The following CYB5R3 variants were observed in gnomAD, a reference collection of about 807,000 sequenced individuals.
CYB5R3 encodes NADH-cytochrome b5 reductase 3.
A neutral mutation model predicts 36.5 loss-of-function variants in CYB5R3; 28 were observed. The observed-to-expected ratio is 0.77, with a 90% CI of 0.57 to 1.05. The LOEUF is 1.05. CYB5R3 is among the 50% of genes least tolerant of loss of function. CYB5R3 has a pLI of 0.00. For missense variants in CYB5R3, 474 were observed against 408.9 expected (o/e 1.16, Z -1.37); for synonymous variants, 181 against 159.8 (o/e 1.13, Z -1.00).
At chr22:42,626,165 C>T (rs1286217913) in intron 7 of CYB5R3, among the ~76,000 whole-genome samples, 3 of 152,034 alleles carry the variant, frequency 2.0e-5, no homozygotes, top group African/African-American at 4.8e-5. Flanking sequence ...AAAAATTAGC[C>T]GGGCATGGTG....
chr22:42,646,972 T>A (rs1481259820), intron 1 of CYB5R3: 1 of 985,324 alleles, frequency 1.0e-6, no homozygotes, highest in African/African-American at 1.7e-5. Context: ...CAAGCTCCAA[T>A]GTTTTCCCAG....
intron 7 of CYB5R3, among the ~76,000 whole-genome samples, chr22:42,626,063 C>T (rs1399475462): frequency 1.3e-5 from 2 of 152,196 alleles, no homozygotes; most frequent in Non-Finnish European, 2.9e-5. Context: ...AATCCCAACA[C>T]TTTGGGAGGC....
At chr22:42,644,276 C>A (rs897998269) in intron 1 of CYB5R3, 2 of 650,588 alleles carry the variant, frequency 3.1e-6, no homozygotes, top group Non-Finnish European at 5.6e-6. Context: ...AGCACCTGCC[C>A]CCAGCCCCGG....
intron 1 of CYB5R3, chr22:42,639,846 T>C: frequency 1.9e-6 from 1 of 516,422 alleles, no homozygotes; most frequent in Non-Finnish European, 2.5e-6. Context: ...TGATTCACTT[T>C]TTTTTTTTTT....
chr22:42,633,959 A>G (rs1247218754), intron 2 of CYB5R3, among the ~76,000 whole-genome samples: 1 of 152,080 alleles, frequency 6.6e-6, no homozygotes, highest in Non-Finnish European at 1.5e-5. Context: ...CCCACCAATA[A>G]CAATAACAAG....
chr22:42,627,974 G>A lies in CYB5R3; in HGVS notation c.463+178C>T, dbSNP rs137138. On this transcript the variant is annotated intron_variant, in intron 5 of 8. Transcript: ENST00000352397. The stretch of plus-strand genomic sequence containing the variant: ...CAGGAGTGGCCTGTCTGCAACCCCT[G>A]TGCCAGCAACTTACCCCCTCTACAG... Among the ~76,000 whole-genome samples, 63,326 of 151,804 alleles carry A rather than the reference G, an allele frequency of 0.42. 14,342 individuals carry two copies. The highest frequency in any genetic ancestry group is 0.59 in the African/African-American group (24,595 of 41,348).
At chr22:42,630,330 C>A (rs1245369794) in intron 4 of CYB5R3, among the ~76,000 whole-genome samples, 1 of 152,178 alleles carries the variant, frequency 6.6e-6, no homozygotes, top group Non-Finnish European at 1.5e-5. Context: ...GCCTGAGGGA[C>A]ATTTCTTAGG....
chr22:42,628,340 G>A, intron 4 of CYB5R3, 59 bp from the exon 5 acceptor site: 3 of 1,605,920 alleles, frequency 1.9e-6, no homozygotes, highest in East Asian at 2.2e-5. Context: ...GCGAGCTCTT[G>A]CCCACAGTGG....
chr22:42,645,844 C>T (rs898773283), intron 1 of CYB5R3, among the ~76,000 whole-genome samples: 1 of 151,910 alleles, frequency 6.6e-6, no homozygotes, highest in Non-Finnish European at 1.5e-5. Context: ...GTCGGTCAGT[C>T]GTTTAGTCCA....
intron 2 of CYB5R3, among the ~76,000 whole-genome samples, chr22:42,633,640 G>A (rs1448892662): frequency 6.6e-6 from 1 of 152,124 alleles, no homozygotes; most frequent in Non-Finnish European, 1.5e-5. Flanking sequence ...AAAATTAGCT[G>A]GGCATGGTGT....
chr22:42,622,448 G>A (rs1007776919), intron 8 of CYB5R3, among the ~76,000 whole-genome samples: 4 of 152,202 alleles, frequency 2.6e-5, no homozygotes, highest in African/African-American at 9.6e-5. Context: ...CATACCAGGT[G>A]GAGCAGCCGA....
At chr22:42,639,291 T>C (rs1929094955) in intron 1 of CYB5R3, among the ~76,000 whole-genome samples, 1 of 143,990 alleles carries the variant, frequency 6.9e-6, no homozygotes, top group Admixed American at 7.0e-5. Flanking sequence ...GCCACTGCAC[T>C]CCAGCCTGGG....
At position 42,619,733 on chromosome 22, in the gene CYB5R3, G is replaced by C; in HGVS notation, c.*40C>G. The C allele has an allele frequency of 6.5e-7, 1 of 1,533,288 alleles. No individual in the cohort carries two copies. Among genetic ancestry groups the C allele is most frequent in the Non-Finnish European group, 8.8e-7 (1 of 1,141,428 alleles). 95.0% of individuals were successfully genotyped at this position (1,533,288 alleles called of 1,614,324 possible). ...ACTGGGTGAGCGTGAACAGGGCGTG[G>C]GGTGCGCGGGGCGGGTGGCCGTGTG... On this transcript the variant is annotated 3_prime_UTR_variant, in exon 9 of 9. Coordinates refer to ENST00000352397, the MANE Select transcript of CYB5R3 (RefSeq NM_000398.7).
intron 7 of CYB5R3, among the ~76,000 whole-genome samples, chr22:42,625,719 C>T (rs367723815): frequency 2.6e-5 from 4 of 151,946 alleles, no homozygotes; most frequent in East Asian, 3.9e-4. Context: ...GGAGAGGAAA[C>T]GAGCAGCAAT....
intron 7 of CYB5R3, among the ~76,000 whole-genome samples, chr22:42,625,180 T>C (rs1928198504): frequency 6.6e-6 from 1 of 152,186 alleles, no homozygotes; most frequent in Non-Finnish European, 1.5e-5. Flanking sequence ...TGTGTGCATC[T>C]TTTCACTTTT....
In CYB5R3 at chr22:42,628,229, T is replaced by C; in HGVS notation, c.386A>G (p.Gln129Arg). Residue 129 changes from glutamine (Q) to arginine (R), a missense_variant, in exon 5 of 9, where the codon CAG (glutamine) becomes CGG (arginine). Coordinates refer to ENST00000352397, the MANE Select transcript of CYB5R3 (RefSeq NM_000398.7). ...PKFPAGGKMS[Q>R]YLESMQIGDT... ...TCCAATCTGCATGCTCTCCAGGTAC[T>C]GAGACATCTTCCCTCCAGCGGGAAA... The C allele has an allele frequency of 6.2e-7, 1 of 1,614,134 alleles. No individual in the cohort carries two copies. Among genetic ancestry groups the C allele is most frequent in the Non-Finnish European group, 8.5e-7 (1 of 1,179,988 alleles).
intron 2 of CYB5R3, among the ~76,000 whole-genome samples, chr22:42,635,326 G>T (rs1263811803): frequency 6.6e-6 from 1 of 151,006 alleles, no homozygotes; most frequent in Non-Finnish European, 1.5e-5. Flanking sequence ...GGATGGTCTC[G>T]ATCTCCTGAC....
intron 1 of CYB5R3, chr22:42,640,509 G>C (rs1311629792): frequency 4.5e-6 from 1 of 219,806 alleles, no homozygotes; most frequent in Non-Finnish European, 8.7e-6. Context: ...CTCCCGAGTA[G>C]CTGGGATTAC....
At chr22:42,638,750 A>AAAAAAAAAAAAAAAAAAAG (rs1929055718) in intron 1 of CYB5R3, among the ~76,000 whole-genome samples, 1 of 130,034 alleles carries the variant, frequency 7.7e-6, no homozygotes, top group African/African-American at 2.9e-5. Context: ...AAAAAAAAAA[A>AAAAAAAAAAAAAAAAAAAG]GGCCGGGCGC....
Sources: gnomAD v4.1 joint callset for allele counts (sites outside exome capture counted in the v4.1 genomes callset) on GRCh38, gnomAD v4.1.1 for gene constraint, MANE v1.5 for transcripts, NCBI Gene and HGNC (gene_info 2026-07-23, HGNC 2026-07-21) for gene names.